The following ANKRD13A variants were observed in gnomAD, a reference collection of about 807,000 sequenced individuals.
ANKRD13A encodes the protein ankyrin repeat domain 13A.
A neutral mutation model predicts 81.3 loss-of-function variants in ANKRD13A; 48 were observed. The ratio of observed to expected loss-of-function variants is 0.59; its 90% confidence interval spans 0.47 to 0.75. The LOEUF (loss-of-function observed/expected upper bound fraction) is 0.75. Ranked by LOEUF, ANKRD13A falls within the 30% of genes least tolerant of loss-of-function variation. The pLI is 0.00. For missense variants in ANKRD13A, 612 were observed against 734.0 expected, an observed-to-expected ratio of 0.83 and a Z score of 1.92; for synonymous variants, 230 against 270.1, an observed-to-expected ratio of 0.85 and a Z score of 1.45.
intron 13 of ANKRD13A, among the ~76,000 whole-genome samples, chr12:110,035,233 T>C (rs1397705675): frequency 2.0e-5 from 3 of 152,210 alleles, no homozygotes; most frequent in Non-Finnish European, 2.9e-5. Context: ...ATAAACCTTG[T>C]TGACCATAAG....
chr12:110,028,050 T>C (rs571929832), intron 9 of ANKRD13A: 19 of 431,544 alleles, frequency 4.4e-5, no homozygotes, highest in Non-Finnish European at 7.5e-5. Flanking sequence ...TTAAAAAGGA[T>C]TCAGGACTTT....
intron 6 of ANKRD13A, among the ~76,000 whole-genome samples, chr12:110,020,548 C>T (rs1197661352): frequency 6.6e-6 from 1 of 152,236 alleles, no homozygotes; most frequent in Non-Finnish European, 1.5e-5. Flanking sequence ...CTGCCAGCCT[C>T]CTTGCACTGG....
intron 1 of ANKRD13A, among the ~76,000 whole-genome samples, chr12:110,011,384 C>T (rs1427064671): frequency 6.6e-6 from 1 of 152,174 alleles, no homozygotes; most frequent in Non-Finnish European, 1.5e-5. Context: ...TGTGCACTTG[C>T]CTATTTCTTT....
intron 8 of ANKRD13A, chr12:110,027,306 G>A (rs113522015): frequency 1.0e-5 from 2 of 196,268 alleles, no homozygotes; most frequent in South Asian, 8.4e-5. Flanking sequence ...TTAGAATGGC[G>A]CCTGCAGTAT....
At chr12:110,002,916 G>A (rs1890055629) in intron 1 of ANKRD13A, among the ~76,000 whole-genome samples, 1 of 152,162 alleles carries the variant, frequency 6.6e-6, no homozygotes, top group Admixed American at 6.5e-5. Context: ...AGGCAGTTGT[G>A]TAACTATGCC....
At chr12:110,012,367 A>G (rs1167322173) in intron 2 of ANKRD13A, among the ~76,000 whole-genome samples, 2 of 152,094 alleles carry the variant, frequency 1.3e-5, no homozygotes, top group Admixed American at 1.3e-4. Flanking sequence ...ACTTTTCTCA[A>G]AAAAAAGGTC....
chr12:110,012,185 G>A (rs1890563903), intron 2 of ANKRD13A, 48 bp downstream of exon 2: 2 of 1,548,650 alleles, frequency 1.3e-6, no homozygotes, highest in African/African-American at 2.7e-5. Context: ...GCACCATGGT[G>A]AAACCCTGTC....
At chr12:110,035,513 A>C (rs1413450588) in intron 13 of ANKRD13A, among the ~76,000 whole-genome samples, 1 of 151,814 alleles carries the variant, frequency 6.6e-6, no homozygotes, top group African/African-American at 2.4e-5. Context: ...GCAGGGGCAC[A>C]ATATTGGCTC....
In ANKRD13A at chr12:110,023,965, A is replaced by G. The variant is rs371655787; in HGVS notation, c.735-81A>G. The G allele has an allele frequency of 2.3e-4, 329 of 1,406,136 alleles. 1 individual carries two copies. Among genetic ancestry groups the G allele is most frequent in the African/African-American group, 3.6e-4 (25 of 69,304 alleles). 87.1% of individuals were successfully genotyped at this position (1,406,136 alleles called of 1,614,324 possible). ...CCTTCACTAACTTAAGCTGGGGGGG[A>G]AAAAAACTATAAAGGCTACAGATAT... On this transcript the variant is annotated intron_variant, in intron 6 of 14. Coordinates refer to ENST00000261739, the MANE Select transcript of ANKRD13A (RefSeq NM_033121.2).
chr12:110,027,653 T>G, intron 8 of ANKRD13A, 52 bp from the exon 9 acceptor site: 2 of 1,555,840 alleles, frequency 1.3e-6, no homozygotes, highest in Non-Finnish European at 1.8e-6. Flanking sequence ...CTTTTTTTTA[T>G]AGCCACAAGT....
At chr12:110,029,435 CT>C (rs1214825241) in intron 10 of ANKRD13A, 42 bp from the exon 11 acceptor site, 2 of 1,593,748 alleles carry the variant, frequency 1.3e-6, no homozygotes, top group East Asian at 4.5e-5. Flanking sequence ...CTTTTCCCAT[CT>C]GGTGGAGATG....
chr12:110,012,134 A>T lies in ANKRD13A; in HGVS notation c.226A>T (p.Thr76Ser). The change falls in exon 2 of 15, where the codon ACA becomes TCA. Residue 76 changes from threonine (T) to serine (S), a missense_variant. Coordinates refer to ENST00000261739, the MANE Select transcript of ANKRD13A (RefSeq NM_033121.2). ...GACAAAAGAAAATCGCCAGGGATGG[A>T]CAGGTAAGTATACTTTTACAATAAT... ...DVTKENRQGW[T>S]VLHEAVSTGD... The T allele has an allele frequency of 6.2e-7, 1 of 1,608,878 alleles. No individual in the cohort carries two copies. Among genetic ancestry groups the T allele is most frequent in the Non-Finnish European group, 8.5e-7 (1 of 1,175,662 alleles).
chr12:109,999,488 G>T lies in ANKRD13A; in HGVS notation c.-201G>T. ...GAACGCCGCGGGGCGCGGGGTGGGC[G>T]CGGCCGACCTGGTCCCTGAGCCGGC... On this transcript the variant is annotated 5_prime_UTR_variant, in exon 1 of 15. Transcript: ENST00000261739. This position sits in a 1 kb window ranked among gnomAD's most constrained non-coding sequence, Gnocchi z 4.3. 3.6e-6 allele frequency: 1 copy of T among 278,734 alleles called. No homozygotes were observed. The highest frequency in any genetic ancestry group is 6.6e-6 in the Non-Finnish European group (1 of 151,160). 17.3% of individuals were successfully genotyped at this position (278,734 alleles called of 1,614,324 possible).
At chr12:110,027,615 A>G in intron 8 of ANKRD13A, 90 bp from the exon 9 acceptor site, 1 of 1,190,782 alleles carries the variant, frequency 8.4e-7, no homozygotes, top group Non-Finnish European at 1.3e-6. Flanking sequence ...CTAATGAGGT[A>G]GCTTGGACCA....
intron 7 of ANKRD13A, among the ~76,000 whole-genome samples, chr12:110,024,814 G>A (rs761600613): frequency 6.6e-6 from 1 of 152,206 alleles, no homozygotes; most frequent in African/African-American, 2.4e-5. Context: ...GGCTCCTCAC[G>A]TGGCATATAG....
At chr12:110,000,322 G>A (rs1333392274) in intron 1 of ANKRD13A, among the ~76,000 whole-genome samples, 2 of 152,122 alleles carry the variant, frequency 1.3e-5, no homozygotes, top group Non-Finnish European at 2.9e-5. Context: ...TGTTGGTGCT[G>A]GGGCAGAACC....
chr12:110,005,747 T>G (rs946469177), intron 1 of ANKRD13A, among the ~76,000 whole-genome samples: 1 of 152,234 alleles, frequency 6.6e-6, no homozygotes, highest in African/African-American at 2.4e-5. Context: ...TGTCAGTTGA[T>G]GGACATTTGG....
chr12:110,037,183 G>C (rs1448287933), intron 14 of ANKRD13A, among the ~76,000 whole-genome samples, 176 bp from the exon 15 acceptor site: 1 of 152,176 alleles, frequency 6.6e-6, no homozygotes, highest in Non-Finnish European at 1.5e-5. Flanking sequence ...CAAGATTGTG[G>C]GGTTTCTCAC....
At chr12:110,007,372 G>A (rs1890291154) in intron 1 of ANKRD13A, among the ~76,000 whole-genome samples, 1 of 151,860 alleles carries the variant, frequency 6.6e-6, no homozygotes, top group African/African-American at 2.4e-5. Flanking sequence ...AATTTTTTGA[G>A]GTTTTTTTTG....
Sources: gnomAD v4.1 joint callset for allele counts (sites outside exome capture counted in the v4.1 genomes callset) on GRCh38, gnomAD v4.1.1 for gene constraint, Gnocchi (gnomAD v3.1) non-coding constraint, MANE v1.5 for transcripts, NCBI Gene and HGNC (gene_info 2026-07-23, HGNC 2026-07-21) for gene names.